MRRF: variants seen among roughly 807,000 people sequenced by gnomAD.
The protein encoded by MRRF is mitochondrial ribosome recycling factor.
In MRRF, 18 loss-of-function variants were observed where a neutral mutation model predicts 25.1. The observed-to-expected ratio is 0.72, with a 90% CI of 0.50 to 1.06. The LOEUF (loss-of-function observed/expected upper bound fraction) is 1.06, where lower values mean the gene tolerates loss of function less well. Ranked by LOEUF, MRRF falls within the 50% of genes least tolerant of loss-of-function variation. The probability of loss-of-function intolerance (pLI) is 0.00; values close to 1 mark genes in which losing one functional copy is unlikely to be tolerated. For missense variants in MRRF, 323 were observed against 319.3 expected (o/e 1.01, Z -0.09); for synonymous variants, 113 against 112.1 (o/e 1.01, Z -0.05).
intron 3 of MRRF, among the ~76,000 whole-genome samples, chr9:122,281,062 T>C (rs1434043501): frequency 6.6e-6 from 1 of 152,234 alleles, no homozygotes; most frequent in Non-Finnish European, 1.5e-5. Flanking sequence ...TTGGCAGTTC[T>C]TATCCCTTAC....
Position 122,291,784 on chromosome 9 carries a change from T to C in MRRF, c.495T>C (p.Ser165=), listed in dbSNP as rs1169733330. The change falls in exon 5 of 7, where the codon AGT becomes AGC. Residue 165 remains serine, a synonymous_variant. Coordinates refer to ENST00000344641, the MANE Select transcript of MRRF (RefSeq NM_138777.5). ...TAAAIKAIRE[S]GMNLNPEVEG... The stretch of plus-strand genomic sequence containing the variant: ...CAGCTATCAAGGCTATAAGAGAAAG[T>C]GGAATGAATCTGAACCCAGAAGTGG... 1 of 1,613,914 alleles carries C rather than the reference T, an allele frequency of 6.2e-7. No individual in the cohort carries two copies. The highest frequency in any genetic ancestry group is 1.1e-5 in the South Asian group (1 of 91,080).
chr9:122,319,316 A>T (rs1455996144), intron 6 of MRRF, among the ~76,000 whole-genome samples: 1 of 151,784 alleles, frequency 6.6e-6, no homozygotes, highest in Non-Finnish European at 1.5e-5. Flanking sequence ...ATGCCCGGCT[A>T]ATTTTTTGTA....
chr9:122,302,098 G>A (rs1000563929), intron 5 of MRRF, among the ~76,000 whole-genome samples: 3 of 152,044 alleles, frequency 2.0e-5, no homozygotes, highest in African/African-American at 7.3e-5. Flanking sequence ...CTGCCGTGAG[G>A]CGTGCTGCCT....
At chr9:122,269,773 G>A (rs1564468167) in intron 1 of MRRF, among the ~76,000 whole-genome samples, 1 of 152,156 alleles carries the variant, frequency 6.6e-6, no homozygotes, top group East Asian at 1.9e-4. Flanking sequence ...AAAAAAAGGT[G>A]ATAGCTATCA....
At chr9:122,319,311 C>T (rs1047881917) in intron 6 of MRRF, among the ~76,000 whole-genome samples, 7 of 152,040 alleles carry the variant, frequency 4.6e-5, no homozygotes, top group East Asian at 3.9e-4. Flanking sequence ...CCACCATGCC[C>T]GGCTAATTTT....
At chr9:122,270,041 T>TA (rs1188630664) in intron 1 of MRRF, among the ~76,000 whole-genome samples, 17 of 148,028 alleles carry the variant, frequency 1.1e-4, no homozygotes, top group East Asian at 9.8e-4. Context: ...GGATGGGATT[T>TA]AAAAAAAAAA....
At chr9:122,298,428 C>G (rs1834227795) in intron 5 of MRRF, among the ~76,000 whole-genome samples, 1 of 152,100 alleles carries the variant, frequency 6.6e-6, no homozygotes, top group Non-Finnish European at 1.5e-5. Flanking sequence ...GAATCAATTT[C>G]AAGTATATGT....
At chr9:122,275,220 T>C (rs886350444) in intron 2 of MRRF, among the ~76,000 whole-genome samples, 2 of 152,088 alleles carry the variant, frequency 1.3e-5, no homozygotes, top group Admixed American at 6.6e-5. Flanking sequence ...ATCCTACATA[T>C]CTACTACTTT....
chr9:122,324,388 A>T lies in MRRF; in HGVS notation c.*1771A>T, dbSNP rs952195681. ...GAGAGGGAGAGGGTGTGGAGCTTCCATGCCTTCTCTGGGCTCACACTCTCT... is the reference window on the plus strand; with the variant it reads ...GAGAGGGAGAGGGTGTGGAGCTTCCTTGCCTTCTCTGGGCTCACACTCTCT... On this transcript the variant is annotated 3_prime_UTR_variant, in exon 7 of 7. Coordinates refer to ENST00000344641, the MANE Select transcript of MRRF (RefSeq NM_138777.5). 6 of 152,202 alleles carry T rather than the reference A, an allele frequency of 3.9e-5. No individual in the cohort carries two copies. Among genetic ancestry groups the T allele is most frequent in the African/African-American group, 1.2e-4 (5 of 41,426 alleles). The allele number at this position is 152,202 out of a possible 1,614,324, so 9.4% of individuals were successfully genotyped here. A position where few individuals can be genotyped will look rare whatever the true frequency, so the allele number is the denominator to read the frequency against.
chr9:122,269,457 G>C (rs563447060), intron 1 of MRRF, among the ~76,000 whole-genome samples: 1 of 152,208 alleles, frequency 6.6e-6, no homozygotes, highest in South Asian at 2.1e-4. Flanking sequence ...GGGCATGGTG[G>C]CTCACACCTG....
intron 1 of MRRF, among the ~76,000 whole-genome samples, chr9:122,268,472 A>C (rs1174727033): frequency 6.6e-6 from 1 of 152,234 alleles, no homozygotes; most frequent in Non-Finnish European, 1.5e-5. Flanking sequence ...CATTGGTTTT[A>C]TTAGGGAAAA....
At chr9:122,308,271 T>C (rs1317945912) in intron 5 of MRRF, among the ~76,000 whole-genome samples, 1 of 152,216 alleles carries the variant, frequency 6.6e-6, no homozygotes, top group Admixed American at 6.5e-5. Flanking sequence ...GGTCAGACTC[T>C]TGCCATGTAT....
chr9:122,313,344 G>C lies in MRRF; in HGVS notation c.669G>C (p.Lys223Asn). 1 of 1,614,072 alleles carries C rather than the reference G, an allele frequency of 6.2e-7. No individual in the cohort carries two copies. The highest frequency in any genetic ancestry group is 8.5e-7 in the Non-Finnish European group (1 of 1,179,942). Residue 223 changes from lysine (K) to asparagine (N), a missense_variant, in exon 6 of 7, where the codon AAG becomes AAC. Coordinates refer to ENST00000344641, the MANE Select transcript of MRRF (RefSeq NM_138777.5). ...TNSMNKLKKS[K>N]DTVSEDTIRL... ...CAATGAACAAGCTGAAGAAATCCAA[G>C]GATACAGTCTCAGAGGACACCATTA...
chr9:122,289,597 GTT>G (rs112850742), intron 4 of MRRF, among the ~76,000 whole-genome samples: 1 of 140,566 alleles, frequency 7.1e-6, no homozygotes, highest in Non-Finnish European at 1.6e-5. Flanking sequence ...TTTAGAATCT[GTT>G]TTTTTTTTTT....
chr9:122,304,353 G>A (rs777955277), intron 5 of MRRF, among the ~76,000 whole-genome samples: 1 of 152,202 alleles, frequency 6.6e-6, no homozygotes, highest in African/African-American at 2.4e-5. Context: ...CTTCTGCTCA[G>A]TGTTGCTTCC....
intron 6 of MRRF, among the ~76,000 whole-genome samples, chr9:122,320,214 T>C (rs530695428): frequency 6.6e-6 from 1 of 152,224 alleles, no homozygotes; most frequent in South Asian, 2.1e-4. Context: ...GAAGTGATAG[T>C]AAAAGTTATA....
At position 122,268,874 on chromosome 9, in the gene MRRF, T is replaced by C. The variant is rs186515093; in HGVS notation, c.-28-1990T>C. ...CTACTCATTTGCTTTAAAAATAATA[T>C]CCATCATTAGGCCGGGTGCGGTGGC... On this transcript the variant is annotated intron_variant, in intron 1 of 6. Coordinates refer to ENST00000344641, the MANE Select transcript of MRRF (RefSeq NM_138777.5). Among the ~76,000 whole-genome samples, 3 of 152,222 alleles carry C rather than the reference T, an allele frequency of 2.0e-5. No homozygotes were observed. The East Asian group carries it at 5.8e-4, about 29-fold the overall frequency.
At chr9:122,311,072 TGTAAG>T (rs2118954366) in intron 5 of MRRF, among the ~76,000 whole-genome samples, 1 of 152,298 alleles carries the variant, frequency 6.6e-6, no homozygotes, top group South Asian at 2.1e-4. Flanking sequence ...CTAATCCTCC[TGTAAG>T]GTGTCTTTTT....
chr9:122,267,400 T>A (rs1009848107), intron 1 of MRRF, among the ~76,000 whole-genome samples: 6 of 149,296 alleles, frequency 4.0e-5, no homozygotes, highest in Admixed American at 6.6e-5. Flanking sequence ...AAAAAAAAAA[T>A]TTAATAGTTG....
Sources: gnomAD v4.1 joint callset for allele counts (sites outside exome capture counted in the v4.1 genomes callset) on GRCh38, gnomAD v4.1.1 for gene constraint, MANE v1.5 for transcripts, NCBI Gene and HGNC (gene_info 2026-07-23, HGNC 2026-07-21) for gene names.